Variants in POLR2F observed in about 807,000 individuals in gnomAD.
POLR2F encodes RNA polymerase II, I and III subunit F, also known as DNA-directed RNA polymerases I, II, and III subunit RPABC2.
Under a neutral mutation model 22.7 loss-of-function variants are expected in POLR2F, and 12 were observed. That is an observed-to-expected ratio of 0.53 (90% confidence interval 0.34 to 0.86). The LOEUF (loss-of-function observed/expected upper bound fraction) is 0.86, where lower values mean the gene tolerates loss of function less well. Ranked by LOEUF, POLR2F falls within the 40% of genes least tolerant of loss-of-function variation. The pLI, the probability that POLR2F is intolerant of heterozygous loss-of-function variation, is 0.02. For synonymous variants in POLR2F, 57 were observed against 66.0 expected (o/e 0.86, Z 0.66); for missense variants, 126 against 171.5 (o/e 0.73, Z 1.48).
At chr22:38,036,226 C>T (rs531925237) in intron 5 of POLR2F, among the ~76,000 whole-genome samples, 1 of 151,900 alleles carries the variant, frequency 6.6e-6, no homozygotes, top group African/African-American at 2.4e-5. Flanking sequence ...ATCCACCTGC[C>T]TCAGCCTCCC....
chr22:38,008,459 C>T (rs568393542), intron 1 of POLR2F, among the ~76,000 whole-genome samples: 2 of 151,950 alleles, frequency 1.3e-5, no homozygotes, highest in East Asian at 1.9e-4. Context: ...GCAGGAGAAT[C>T]GCTTGAACCT....
exon 3 of POLR2F, chr22:38,026,585 C>T (rs2085012576): frequency 3.3e-6 from 1 of 303,904 alleles, no homozygotes; most frequent in South Asian, 2.8e-5. Flanking sequence ...CCAAAGCCGC[C>T]CCCTCCCCCG....
chr22:38,023,839 A>ATTTTTT (rs56162997), intron 1 of POLR2F, among the ~76,000 whole-genome samples: 1 of 115,406 alleles, frequency 8.7e-6, no homozygotes, highest in Non-Finnish European at 1.7e-5. Context: ...CGCCTGGCTA[A>ATTTTTT]TTTTTTTTTT....
At chr22:37,999,450 C>T (rs1486429249) in intron 1 of POLR2F, among the ~76,000 whole-genome samples, 2 of 152,144 alleles carry the variant, frequency 1.3e-5, no homozygotes, top group Admixed American at 6.5e-5. Context: ...GGTCTCCTGA[C>T]ATCCGAATGT....
At chr22:38,025,346 C>G (rs1348264738) in intron 1 of POLR2F, among the ~76,000 whole-genome samples, 2 of 152,062 alleles carry the variant, frequency 1.3e-5, no homozygotes, top group African/African-American at 2.4e-5. Flanking sequence ...ATTATACACA[C>G]AATCACAACG....
rs111613791 is a variant in POLR2F at position 37,979,594 on chromosome 22, T to C, written c.293+12424T>C. ...GGATCCTATATCCTTGTCCAGAAAA[T>C]AGCAGAGAGTAGAGGAAGCTAGCCT... On this transcript the variant is annotated intron_variant, in intron 4 of 4. Transcript: ENST00000405557. 7.9e-3 allele frequency among the ~76,000 whole-genome samples: 1,194 copies of C among 151,854 alleles called. 11 individuals carry two copies. The highest frequency in any genetic ancestry group is 0.027 in the African/African-American group (1,099 of 41,364).
At chr22:37,973,777 T>C, downstream of POLR2F, 1 of 1,595,540 alleles carries the variant, frequency 6.3e-7, no homozygotes, top group Non-Finnish European at 8.6e-7. Flanking sequence ...GTGAGGTGGA[T>C]GGCTGGTCGG....
At chr22:37,985,972 T>TC, upstream of POLR2F, 1 of 972,732 alleles carries the variant, frequency 1.0e-6, no homozygotes, top group African/African-American at 1.7e-5. Flanking sequence ...TTGGACAATC[T>TC]CCCCCCAGTT....
downstream of POLR2F, among the ~76,000 whole-genome samples, chr22:37,970,023 G>T (rs1384349789): frequency 6.6e-6 from 1 of 152,134 alleles, no homozygotes; most frequent in Non-Finnish European, 1.5e-5. Flanking sequence ...GCTGGGCGTG[G>T]TGGCTCACAC....
chr22:37,990,579 G>C (rs1932705062), intron 1 of POLR2F, among the ~76,000 whole-genome samples: 1 of 152,252 alleles, frequency 6.6e-6, no homozygotes, highest in Non-Finnish European at 1.5e-5. Context: ...GGAGGTGAGA[G>C]AGACCAGACC....
intron 1 of POLR2F, among the ~76,000 whole-genome samples, chr22:37,996,108 G>A (rs1272644068): frequency 6.6e-6 from 1 of 152,186 alleles, no homozygotes; most frequent in Non-Finnish European, 1.5e-5. Context: ...CCTTCTTCTG[G>A]AGCAGGGACA....
chr22:38,012,204 C>A (rs1191808800), intron 1 of POLR2F, among the ~76,000 whole-genome samples: 1 of 151,782 alleles, frequency 6.6e-6, no homozygotes, highest in African/African-American at 2.4e-5. Context: ...GCCTCAGCCT[C>A]CCCAGTAGCT....
chr22:37,975,708 C>T (rs945423055), intron 4 of POLR2F, among the ~76,000 whole-genome samples: 6 of 152,158 alleles, frequency 3.9e-5, no homozygotes, highest in African/African-American at 1.2e-4. Flanking sequence ...AATCCTGGTT[C>T]TGTGTCTGGA....
chr22:37,953,812 G>A lies in POLR2F; in HGVS notation c.20+5G>A. 2 of 1,609,242 alleles carry A rather than the reference G, an allele frequency of 1.2e-6. No homozygotes were observed. Among genetic ancestry groups the A allele is most frequent in the South Asian group, 1.1e-5 (1 of 90,176 alleles). On this transcript the variant is annotated splice_donor_5th_base_variant and intron_variant, in intron 1 of 4. Transcript: ENST00000442738. The stretch of plus-strand genomic sequence containing the variant: ...CATGTCAGACAACGAGGACAAGTGA[G>A]TGCGGGAGCGGAGTGGCCTTTGCGG...
At chr22:37,989,579 G>T (rs138352431) in intron 1 of POLR2F, among the ~76,000 whole-genome samples, 1 of 152,188 alleles carries the variant, frequency 6.6e-6, no homozygotes, top group Non-Finnish European at 1.5e-5. Flanking sequence ...CCCAGGTGCC[G>T]GCTCAGCTGT....
intron 1 of POLR2F, among the ~76,000 whole-genome samples, chr22:38,012,063 AG>A (rs780788548): frequency 6.6e-6 from 1 of 151,156 alleles, no homozygotes; most frequent in Non-Finnish European, 1.5e-5. Flanking sequence ...TTTATCCCTA[AG>A]TATTTTATAT....
exon 3 of POLR2F, chr22:38,026,384 G>A: frequency 4.0e-6 from 2 of 494,278 alleles, no homozygotes; most frequent in South Asian, 3.0e-5. Flanking sequence ...ACTCTGCTGT[G>A]TGACCTGAGA....
intron 1 of POLR2F, among the ~76,000 whole-genome samples, chr22:37,955,203 G>GTTTT (rs77201045): frequency 7.6e-6 from 1 of 131,762 alleles, no homozygotes; most frequent in Non-Finnish European, 1.6e-5. Context: ...AGAAATAAGG[G>GTTTT]TTTTTTTTTT....
At chr22:38,024,270 G>A (rs2145823751) in intron 1 of POLR2F, among the ~76,000 whole-genome samples, 1 of 152,262 alleles carries the variant, frequency 6.6e-6, no homozygotes, top group East Asian at 1.9e-4. Context: ...TGTGGCGTGT[G>A]TCAGAATTTT....
Sources: allele counts gnomAD v4.1 joint callset (sites outside exome capture counted in the v4.1 genomes callset), GRCh38; gene constraint gnomAD v4.1.1; transcripts MANE v1.5; gene names NCBI Gene and HGNC (gene_info 2026-07-23, HGNC 2026-07-21).